Variants in CREB5 observed in about 807,000 individuals in gnomAD.
CREB5 encodes cyclic AMP-responsive element-binding protein 5.
CREB5 carries 19 observed loss-of-function variants against 57.1 expected under a neutral mutation model. That is an observed-to-expected ratio of 0.33 (90% CI 0.23 to 0.49). The LOEUF is 0.49. Ranked by LOEUF, CREB5 falls within the 20% of genes least tolerant of loss-of-function variation. The pLI, the probability that CREB5 is intolerant of heterozygous loss-of-function variation, is 0.99. For missense variants in CREB5, 579 were observed against 671.6 expected (o/e 0.86, Z 1.52); for synonymous variants, 238 against 238.3 (o/e 1.00, Z 0.01).
chr7:28,440,661 C>A (rs975610769), intron 1 of CREB5, among the ~76,000 whole-genome samples: 2 of 152,102 alleles, frequency 1.3e-5, no homozygotes, highest in African/African-American at 4.8e-5. Flanking sequence ...GTTATTAGGC[C>A]TTCATATGAT....
chr7:28,601,663 A>G (rs933680401), intron 5 of CREB5, among the ~76,000 whole-genome samples: 1 of 152,236 alleles, frequency 6.6e-6, no homozygotes, highest in South Asian at 2.1e-4. Flanking sequence ...TTAAAATAAC[A>G]GAAGAGGAAA....
chr7:28,781,935 G>GTT (rs36045067), intron 7 of CREB5, among the ~76,000 whole-genome samples: 1 of 144,926 alleles, frequency 6.9e-6, no homozygotes, highest in East Asian at 2.0e-4. Context: ...AACAATGTGT[G>GTT]TTTTTTTTTT....
intron 7 of CREB5, among the ~76,000 whole-genome samples, chr7:28,793,362 G>C (rs1807839484): frequency 1.3e-5 from 2 of 152,194 alleles, no homozygotes; most frequent in Non-Finnish European, 1.5e-5. Context: ...CCTATCATTA[G>C]AAAAACCAGG....
At chr7:28,810,275 A>G (rs1809033222) in intron 9 of CREB5, among the ~76,000 whole-genome samples, 1 of 152,114 alleles carries the variant, frequency 6.6e-6, no homozygotes, top group Admixed American at 6.6e-5. Flanking sequence ...CCCACAGTCC[A>G]GGGATAGCAT....
chr7:28,560,190 G>A (rs952009575), intron 4 of CREB5, among the ~76,000 whole-genome samples: 3 of 152,184 alleles, frequency 2.0e-5, no homozygotes, highest in Non-Finnish European at 4.4e-5. Flanking sequence ...CAGATTTATT[G>A]CTTAGAGGAC....
intron 1 of CREB5, among the ~76,000 whole-genome samples, chr7:28,357,056 C>T (rs2066950): frequency 0.69 from 104,735 of 152,038 alleles, 36,446 homozygotes; most frequent in South Asian, 0.78. Context: ...ACTCACTTTC[C>T]TCTTTCTTTT....
intron 5 of CREB5, among the ~76,000 whole-genome samples, chr7:28,599,708 C>T (rs1796834269): frequency 6.6e-6 from 1 of 151,628 alleles, no homozygotes; most frequent in Admixed American, 6.6e-5. Context: ...CCTGAAAGTT[C>T]CAGGGAGACC....
chr7:28,583,640 G>A (rs1484691873), intron 5 of CREB5, among the ~76,000 whole-genome samples: 1 of 152,146 alleles, frequency 6.6e-6, no homozygotes, highest in Non-Finnish European at 1.5e-5. Context: ...GCATTCATGG[G>A]CAGAGCCGCC....
rs10625343 is a variant in CREB5 at position 28,551,821 on chromosome 7, T to TTTTCTTTCTTTCTTTCTTTCTTTC, written c.292-18521_292-18520insCTTTCTTTCTTTCTTTCTTTCTTT. On this transcript the variant is annotated intron_variant, in intron 4 of 10. Coordinates refer to ENST00000357727, the MANE Select transcript of CREB5 (RefSeq NM_182898.4). ...AGGGTCTCAGGGTCACCTCTATGAT[T>TTTTCTTTCTTTCTTTCTTTCTTTC]TTTCTTTCTTTCTTTCTTTCTTTTT... is the stretch of plus-strand genomic sequence containing the variant. 4.5e-3 allele frequency among the ~76,000 whole-genome samples: 666 copies of TTTTCTTTCTTTCTTTCTTTCTTTC among 147,500 alleles called. 4 individuals carry two copies. The highest frequency in any genetic ancestry group is 0.016 in the African/African-American group (642 of 39,408).
intron 6 of CREB5, among the ~76,000 whole-genome samples, chr7:28,721,884 T>C (rs1230310753): frequency 6.6e-6 from 1 of 152,206 alleles, no homozygotes; most frequent in African/African-American, 2.4e-5. Context: ...CTAGCTCCTG[T>C]TTTCCAGTGT....
rs144651522 is a variant in CREB5 at position 28,697,685 on chromosome 7, T to C, written c.465-21068T>C. Among the ~76,000 whole-genome samples, 103 of 152,356 alleles carry C rather than the reference T, an allele frequency of 6.8e-4. 1 individual carries two copies. The highest frequency in any genetic ancestry group is 6.8e-3 in the Middle Eastern group (2 of 294). ...GAGCTAGGAATCGCAATTGGGAATC[T>C]CCAGAACCAATGGGGATTTTTGCTG... is the stretch of plus-strand genomic sequence containing the variant. On this transcript the variant is annotated intron_variant, in intron 5 of 10. Coordinates refer to ENST00000357727, the MANE Select transcript of CREB5 (RefSeq NM_182898.4).
chr7:28,570,496 C>T lies in CREB5; in HGVS notation c.423C>T (p.Ser141=), dbSNP rs762906403. ...AAGCCATGCCGTCGCCTCAGTCCAGCTCTGTCATCACTCAGGCACCTTCCA... is the reference window on the plus strand; with the variant it reads ...AAGCCATGCCGTCGCCTCAGTCCAGTTCTGTCATCACTCAGGCACCTTCCA... ...IQQAMPSPQS[S]SVITQAPSTN... Residue 141 remains serine (S), a synonymous_variant, in exon 5 of 11, where the codon AGC becomes AGT. Coordinates refer to ENST00000357727, the MANE Select transcript of CREB5 (RefSeq NM_182898.4). 4 of 1,614,122 alleles carry T rather than the reference C, an allele frequency of 2.5e-6. No homozygotes were observed. The highest frequency in any genetic ancestry group is 3.3e-5 in the Admixed American group (2 of 60,016).
At chr7:28,592,569 G>A (rs935946577) in intron 5 of CREB5, among the ~76,000 whole-genome samples, 4 of 152,108 alleles carry the variant, frequency 2.6e-5, no homozygotes, top group Non-Finnish European at 5.9e-5. Context: ...TCACCCCCAC[G>A]CAGCTGGGAT....
chr7:28,598,289 TC>T (rs1299169781), intron 5 of CREB5, among the ~76,000 whole-genome samples: 1 of 152,156 alleles, frequency 6.6e-6, no homozygotes, highest in Non-Finnish European at 1.5e-5. Flanking sequence ...TTTTTCACCT[TC>T]CGCCATGATC....
intron 1 of CREB5, among the ~76,000 whole-genome samples, chr7:28,461,133 G>A (rs999409133): frequency 6.8e-6 from 1 of 145,986 alleles, no homozygotes; most frequent in Non-Finnish European, 1.5e-5. Flanking sequence ...TGAGGCAGGA[G>A]TACCGTTTGG....
intron 5 of CREB5, among the ~76,000 whole-genome samples, chr7:28,658,949 G>GTGTGTATATATATATATATA (rs1799444811): frequency 4.3e-5 from 2 of 46,766 alleles, no homozygotes; most frequent in African/African-American, 1.3e-4. Flanking sequence ...ATATGTGTGT[G>GTGTGTATATATATATATATA]TGTGTATATA....
intron 5 of CREB5, among the ~76,000 whole-genome samples, chr7:28,614,082 C>G (rs1562528052): frequency 1.3e-5 from 2 of 152,298 alleles, no homozygotes; most frequent in East Asian, 3.9e-4. Flanking sequence ...ACCTCAGCCT[C>G]CTGAGTTGCT....
chr7:28,737,884 AT>A (rs1804119443), intron 7 of CREB5, among the ~76,000 whole-genome samples: 1 of 152,108 alleles, frequency 6.6e-6, no homozygotes, highest in Non-Finnish European at 1.5e-5. Flanking sequence ...TAATTGAAAT[AT>A]GAAAAAGTAA....
At chr7:28,482,709 A>C (rs1791384243) in intron 1 of CREB5, among the ~76,000 whole-genome samples, 1 of 152,234 alleles carries the variant, frequency 6.6e-6, no homozygotes, top group Non-Finnish European at 1.5e-5. Context: ...AATAAAATTC[A>C]AGCCCCCCTT....
Sources: gnomAD v4.1 joint callset for allele counts (sites outside exome capture counted in the v4.1 genomes callset) on GRCh38, gnomAD v4.1.1 for gene constraint, MANE v1.5 for transcripts, NCBI Gene and HGNC (gene_info 2026-07-23, HGNC 2026-07-21) for gene names.